Variants in TNR observed in about 807,000 individuals in gnomAD.
The protein encoded by TNR is tenascin-R.
TNR carries 45 observed loss-of-function variants against 150.4 expected under a neutral mutation model. The observed-to-expected ratio is 0.30, with a 90% CI of 0.24 to 0.38. The LOEUF (loss-of-function observed/expected upper bound fraction) is 0.38, where lower values mean the gene tolerates loss of function less well. Ranked by LOEUF, TNR falls within the 10% of genes least tolerant of loss-of-function variation. TNR has a pLI of 1.00. For missense variants in TNR, 1,544 were observed against 1,759.1 expected, an observed-to-expected ratio of 0.88 and a Z score of 2.19; for synonymous variants, 687 against 678.4, an observed-to-expected ratio of 1.01 and a Z score of -0.20.
At chr1:175,580,011 G>A (rs1038943795) in intron 1 of TNR, among the ~76,000 whole-genome samples, 6 of 152,062 alleles carry the variant, frequency 3.9e-5, no homozygotes, top group Non-Finnish European at 5.9e-5. Context: ...CTGGAGACAG[G>A]CCCCCACCAT....
At chr1:175,331,436 T>G (rs551935133) in intron 20 of TNR, among the ~76,000 whole-genome samples, 1 of 152,158 alleles carries the variant, frequency 6.6e-6, no homozygotes, top group African/African-American at 2.4e-5. Context: ...GCTCATTTTT[T>G]GTATTTTTAG....
intron 1 of TNR, among the ~76,000 whole-genome samples, chr1:175,645,310 T>C (rs1397552418): frequency 6.6e-6 from 1 of 152,220 alleles, no homozygotes; most frequent in Non-Finnish European, 1.5e-5. Context: ...AGGACAGTTA[T>C]GCTCCAAATT....
Position 175,363,747 on chromosome 1 carries a change from A to T in TNR, c.2668T>A (p.Ser890Thr). The change falls in exon 13 of 23, where the codon TCT becomes ACT. Residue 890 changes from serine to threonine, a missense_variant. Physicochemically the swap from Ser to Thr is moderately conservative, Grantham distance 58. Coordinates refer to ENST00000367674, the MANE Select transcript of TNR (RefSeq NM_003285.3). ...VMVSWSPPVA[S>T]FDYYRVSYRP... is the part of the protein sequence containing the mutation. The stretch of plus-strand genomic sequence containing the variant: ...TATGATACTCGGTAGTAATCGAAAG[A>T]TGCAACAGGAGGGCTCCAGGAGACC... The T allele has an allele frequency of 6.2e-7, 1 of 1,613,952 alleles. No individual in the cohort carries two copies. Among genetic ancestry groups the T allele is most frequent in the Non-Finnish European group, 8.5e-7 (1 of 1,179,876 alleles).
chr1:175,716,405 A>C lies in TNR; in HGVS notation c.-165+26821T>G, dbSNP rs146324958. 6.9e-4 allele frequency among the ~76,000 whole-genome samples: 105 copies of C among 152,104 alleles called. 1 individual carries two copies. The highest frequency in any genetic ancestry group is 2.4e-3 in the African/African-American group (101 of 41,488). ...CCTTCCCCCTGGTTGTTGTTTTCTCATTCCTGTGAAGGGCACCCAGGCTTG... is the reference window on the plus strand; with the variant it reads ...CCTTCCCCCTGGTTGTTGTTTTCTCCTTCCTGTGAAGGGCACCCAGGCTTG... On this transcript the variant is annotated intron_variant, in intron 1 of 22. Transcript: ENST00000367674.
At chr1:175,622,951 C>T (rs1199816316) in intron 1 of TNR, among the ~76,000 whole-genome samples, 1 of 152,154 alleles carries the variant, frequency 6.6e-6, no homozygotes, top group Non-Finnish European at 1.5e-5. Flanking sequence ...GGACACCAGC[C>T]ACATTGGATT....
At chr1:175,450,584 G>C (rs2102092419) in intron 2 of TNR, among the ~76,000 whole-genome samples, 1 of 152,308 alleles carries the variant, frequency 6.6e-6, no homozygotes, top group African/African-American at 2.4e-5. Flanking sequence ...TGTTTTACTT[G>C]TCTTCTGGAC....
intron 17 of TNR, 83 bp from the exon 18 acceptor site, chr1:175,354,606 C>G: frequency 1.3e-6 from 2 of 1,576,100 alleles, no homozygotes; most frequent in South Asian, 2.3e-5. Context: ...AGTCCAAATC[C>G]CATGGGCAGC....
chr1:175,519,253 T>C (rs1659535416), intron 2 of TNR, among the ~76,000 whole-genome samples: 5 of 152,222 alleles, frequency 3.3e-5, no homozygotes. Flanking sequence ...ACCATACTAA[T>C]ATAACTGCAG....
intron 2 of TNR, among the ~76,000 whole-genome samples, chr1:175,454,088 T>G (rs1298106607): frequency 6.6e-6 from 1 of 152,134 alleles, no homozygotes; most frequent in Non-Finnish European, 1.5e-5. Flanking sequence ...TCTAAATGGG[T>G]CTGGTTGTCT....
chr1:175,572,739 C>T (rs1051457522), intron 1 of TNR, among the ~76,000 whole-genome samples: 1 of 151,532 alleles, frequency 6.6e-6, no homozygotes, highest in Non-Finnish European at 1.5e-5. Flanking sequence ...TATATTCCAA[C>T]ATCTGAATTT....
intron 1 of TNR, among the ~76,000 whole-genome samples, chr1:175,671,911 C>G (rs946413444): frequency 4.4e-4 from 62 of 142,140 alleles, no homozygotes; most frequent in African/African-American, 1.6e-3. Flanking sequence ...TGAGCTGTAC[C>G]TGTGTGTGTG....
At chr1:175,658,066 C>T (rs1571722687) in intron 1 of TNR, among the ~76,000 whole-genome samples, 1 of 151,844 alleles carries the variant, frequency 6.6e-6, no homozygotes, top group East Asian at 1.9e-4. Context: ...TGTCAAGTGA[C>T]AAGCCCCAGG....
At chr1:175,519,704 C>T (rs572100597) in intron 2 of TNR, among the ~76,000 whole-genome samples, 2 of 152,230 alleles carry the variant, frequency 1.3e-5, no homozygotes, top group African/African-American at 4.8e-5. Flanking sequence ...GCCCTGCTTT[C>T]CTTTCAGAAC....
chr1:175,568,566 A>G (rs1299870354), intron 1 of TNR, among the ~76,000 whole-genome samples: 6 of 151,940 alleles, frequency 3.9e-5, no homozygotes, highest in Non-Finnish European at 5.9e-5. Flanking sequence ...CTCCCTTTGC[A>G]TGGGTCCTTC....
At chr1:175,631,336 T>A (rs1664319808) in intron 1 of TNR, among the ~76,000 whole-genome samples, 1 of 152,254 alleles carries the variant, frequency 6.6e-6, no homozygotes, top group African/African-American at 2.4e-5. Context: ...TACAATGGAA[T>A]GTTATATAGC....
intron 1 of TNR, among the ~76,000 whole-genome samples, chr1:175,641,027 C>T (rs73033356): frequency 0.021 from 3,258 of 152,100 alleles, 101 homozygotes; most frequent in African/African-American, 0.072. Flanking sequence ...TCACTTTAGT[C>T]ATTGTGACAC....
At chr1:175,514,303 A>C (rs1242132365) in intron 2 of TNR, among the ~76,000 whole-genome samples, 1 of 152,224 alleles carries the variant, frequency 6.6e-6, no homozygotes, top group Non-Finnish European at 1.5e-5. Context: ...ACACCAGCCA[A>C]AGAGCATGGG....
chr1:175,620,031 G>A (rs992299408), intron 1 of TNR, among the ~76,000 whole-genome samples: 1 of 152,196 alleles, frequency 6.6e-6, no homozygotes, highest in African/African-American at 2.4e-5. Flanking sequence ...TTAAATGGAA[G>A]GTAAAGTGCT....
At chr1:175,394,649 G>A (rs1026337492) in intron 5 of TNR, among the ~76,000 whole-genome samples, 15 of 152,172 alleles carry the variant, frequency 9.9e-5, no homozygotes, top group African/African-American at 3.4e-4. Flanking sequence ...AGTTCTCCAG[G>A]AAGCCTGCTC....
Sources: gnomAD v4.1 joint callset for allele counts (sites outside exome capture counted in the v4.1 genomes callset) on GRCh38, gnomAD v4.1.1 for gene constraint, MANE v1.5 for transcripts, NCBI Gene and HGNC (gene_info 2026-07-23, HGNC 2026-07-21) for gene names.